The following SLC39A12 variants were observed in gnomAD, a reference collection of about 807,000 sequenced individuals.
The protein encoded by SLC39A12 is zinc transporter ZIP12.
SLC39A12 carries 63 observed loss-of-function variants against 71.1 expected under a neutral mutation model. That is an observed-to-expected ratio of 0.89 (90% confidence interval 0.72 to 1.09). The LOEUF (loss-of-function observed/expected upper bound fraction) is 1.09, where lower values mean the gene tolerates loss of function less well. SLC39A12 is among the 50% of genes least tolerant of loss of function. The pLI is 0.00. For missense variants in SLC39A12, 892 were observed against 812.6 expected, an observed-to-expected ratio of 1.10 and a Z score of -1.19; for synonymous variants, 351 against 301.3, an observed-to-expected ratio of 1.16 and a Z score of -1.71.
chr10:17,984,211 C>A (rs1476334913), intron 6 of SLC39A12, among the ~76,000 whole-genome samples: 1 of 152,194 alleles, frequency 6.6e-6, no homozygotes, highest in Non-Finnish European at 1.5e-5. Flanking sequence ...CCTGTGACCA[C>A]AGGTCAGATA....
chr10:17,973,382 A>G (rs780554607), intron 4 of SLC39A12, among the ~76,000 whole-genome samples: 2 of 151,934 alleles, frequency 1.3e-5, no homozygotes, highest in Admixed American at 6.6e-5. Flanking sequence ...TTTCTTTCTG[A>G]TTGAAGTAGT....
chr10:17,999,595 A>G (rs1835776973), intron 10 of SLC39A12, among the ~76,000 whole-genome samples: 1 of 152,152 alleles, frequency 6.6e-6, no homozygotes, highest in South Asian at 2.1e-4. Flanking sequence ...AAAAAGCTGA[A>G]CCCAATTATG....
At chr10:18,013,477 C>T (rs991419400) in intron 12 of SLC39A12, among the ~76,000 whole-genome samples, 4 of 151,812 alleles carry the variant, frequency 2.6e-5, no homozygotes, top group African/African-American at 7.2e-5. Context: ...AAGTGATTCT[C>T]CTACCTCAGC....
chr10:18,022,798 C>T (rs567680498), intron 12 of SLC39A12, among the ~76,000 whole-genome samples: 1 of 152,204 alleles, frequency 6.6e-6, no homozygotes, highest in African/African-American at 2.4e-5. Flanking sequence ...TGAGCCTGGT[C>T]GGTTAGCTTC....
At chr10:18,010,931 G>A (rs552461651) in intron 12 of SLC39A12, among the ~76,000 whole-genome samples, 7 of 152,178 alleles carry the variant, frequency 4.6e-5, no homozygotes, top group Admixed American at 1.3e-4. Flanking sequence ...AGACCTATAT[G>A]ATTGTCCACT....
chr10:17,977,172 T>C (rs909116140), intron 4 of SLC39A12, among the ~76,000 whole-genome samples: 1 of 152,064 alleles, frequency 6.6e-6, no homozygotes, highest in African/African-American at 2.4e-5. Flanking sequence ...GATTTCCTTA[T>C]TAAAAATTGC....
chr10:17,953,346 A>T lies in SLC39A12; in HGVS notation c.70A>T (p.Thr24Ser), dbSNP rs782719142. The T allele has an allele frequency of 3.1e-6, 5 of 1,614,002 alleles. No individual in the cohort carries two copies. The highest frequency in any genetic ancestry group is 4.2e-6 in the Non-Finnish European group (5 of 1,180,032). ...TCTTCTACTCAGCCGTGTTTTTTCT[A>T]CTGAGACAGACAAACCCTCAGCCCA... ...LFLLLSRVFSTETDKPSAQDS... is the reference protein window; with the variant it reads ...LFLLLSRVFSSETDKPSAQDS... The change falls in exon 2 of 13, where the codon ACT (threonine) becomes TCT (serine). Residue 24 changes from threonine (T) to serine (S), a missense_variant. Transcript: ENST00000377369.
At chr10:17,986,870 T>A (rs1228654313) in intron 6 of SLC39A12, among the ~76,000 whole-genome samples, 3 of 151,948 alleles carry the variant, frequency 2.0e-5, no homozygotes, top group Non-Finnish European at 4.4e-5. Flanking sequence ...CCAGGCCTGA[T>A]GGCACCTGCC....
At chr10:18,012,671 G>A (rs778721428) in intron 12 of SLC39A12, among the ~76,000 whole-genome samples, 5 of 152,108 alleles carry the variant, frequency 3.3e-5, no homozygotes, top group African/African-American at 4.8e-5. Context: ...GGTCAAGACC[G>A]TCCTGGCCAA....
At chr10:17,993,324 T>G in intron 9 of SLC39A12, 33 bp downstream of exon 9, 1 of 1,324,788 alleles carries the variant, frequency 7.5e-7, no homozygotes, top group Non-Finnish European at 1.1e-6. Flanking sequence ...TCTACTGATC[T>G]GATTACCTTC....
chr10:17,954,833 G>A (rs1554847592), intron 2 of SLC39A12, among the ~76,000 whole-genome samples: 2 of 152,128 alleles, frequency 1.3e-5, no homozygotes, highest in African/African-American at 4.8e-5. Context: ...AGGGAGGGAG[G>A]GGAGGGGAAC....
chr10:17,996,689 T>C (rs1347364385), intron 10 of SLC39A12, among the ~76,000 whole-genome samples: 1 of 152,188 alleles, frequency 6.6e-6, no homozygotes, highest in African/African-American at 2.4e-5. Context: ...GCTCTAGCGC[T>C]GGGGAACTAA....
intron 12 of SLC39A12, among the ~76,000 whole-genome samples, chr10:18,034,444 G>T (rs546770744): frequency 3.3e-5 from 5 of 152,156 alleles, no homozygotes; most frequent in African/African-American, 1.2e-4. Flanking sequence ...TTTAAAGTCT[G>T]TTTTATCAGA....
chr10:17,994,963 G>GGA (rs34573612), intron 9 of SLC39A12, among the ~76,000 whole-genome samples: 45,555 of 151,832 alleles, frequency 0.3, 7,776 homozygotes, highest in Non-Finnish European at 0.39. Flanking sequence ...GCGCCAAGAC[G>GGA]GAAAATATAT....
At position 18,036,776 on chromosome 10, in the gene SLC39A12, A is replaced by G. The variant is rs1382154356; in HGVS notation, c.1948-5929A>G. ...TATATATATATATATATATATATAT[A>G]TATATATATATATATATATTTTTTT... On this transcript the variant is annotated intron_variant, in intron 12 of 12. Transcript: ENST00000377369. Among the ~76,000 whole-genome samples the G allele has an allele frequency of 4.9e-4, 4 of 8,216 alleles. No individual in the cohort carries two copies. In the South Asian group the frequency reaches 9.0e-3, roughly 18 times the overall value. The allele number at this position is 8,216 out of a possible 152,430, so 5.4% of individuals were successfully genotyped here. A position where few individuals can be genotyped will look rare whatever the true frequency, so the allele number is the denominator to read the frequency against.
Position 17,977,998 on chromosome 10 carries a change from C to T in SLC39A12, c.848C>T (p.Thr283Ile). The T allele has an allele frequency of 6.2e-7, 1 of 1,610,884 alleles. No homozygotes were observed. The highest frequency in any genetic ancestry group is 8.5e-7 in the Non-Finnish European group (1 of 1,178,650). ...CAAAGGAAACAAAACAACATAATAA[C>T]CCATGATCAGGACTATTCTAATTTC... ...QFQRKQNNII[T>I]HDQDYSNFSS... is the part of the protein sequence containing the mutation. The change falls in exon 5 of 13, where the codon ACC becomes ATC. Residue 283 changes from threonine to isoleucine, a missense_variant. By Grantham distance (89) the Thr-to-Ile change is moderately conservative. Transcript: ENST00000377369.
intron 12 of SLC39A12, among the ~76,000 whole-genome samples, chr10:18,003,987 C>A (rs546183188): frequency 2.0e-5 from 3 of 152,264 alleles, no homozygotes; most frequent in African/African-American, 7.2e-5. Context: ...TCTAAAATTG[C>A]AACGTATGTT....
At chr10:17,955,453 G>A (rs1834515980) in intron 2 of SLC39A12, among the ~76,000 whole-genome samples, 1 of 152,188 alleles carries the variant, frequency 6.6e-6, no homozygotes, top group Admixed American at 6.5e-5. Context: ...TTCATGAAAA[G>A]AGGGAGGAAA....
intron 11 of SLC39A12, chr10:18,002,954 A>C (rs565076950): frequency 2.1e-6 from 1 of 475,656 alleles, no homozygotes; most frequent in African/African-American, 2.0e-5. Context: ...GGAGCAGCCA[A>C]AGGAATGGAA....
Sources: gnomAD v4.1 joint callset for allele counts (sites outside exome capture counted in the v4.1 genomes callset) on GRCh38, gnomAD v4.1.1 for gene constraint, MANE v1.5 for transcripts, NCBI Gene and HGNC (gene_info 2026-07-23, HGNC 2026-07-21) for gene names.